TRMT10A: variants seen among roughly 807,000 people sequenced by gnomAD.
The protein encoded by TRMT10A is tRNA methyltransferase 10A, also known as tRNA methyltransferase 10 homolog A.
TRMT10A carries 37 observed loss-of-function variants against 40.4 expected under a neutral mutation model. That is an observed-to-expected ratio of 0.92 (90% CI 0.71 to 1.21). TRMT10A has a LOEUF of 1.21. Ranked by LOEUF, TRMT10A falls within the 50% of genes most tolerant of loss-of-function variation. TRMT10A has a pLI of 0.00. For synonymous variants in TRMT10A, 103 were observed against 134.1 expected (o/e 0.77, Z 1.60); for missense variants, 388 against 404.3 (o/e 0.96, Z 0.35).
rs751785307 is a variant in TRMT10A, at chr4:99,558,141, C to T, written c.256G>A (p.Gly86Arg). 7 of 1,612,028 alleles carry T rather than the reference C, an allele frequency of 4.3e-6. No homozygotes were observed. The South Asian group carries it at 6.6e-5, about 15-fold the overall frequency. The change falls in exon 3 of 8, where the codon GGA becomes AGA. Residue 86 changes from glycine (G) to arginine (R), a missense_variant. Gly to Arg is a moderately radical substitution (Grantham distance 125). Coordinates refer to ENST00000394876, the MANE Select transcript of TRMT10A (RefSeq NM_001134665.3). ...CTTCGAACACGTTTTCTGTCATGTC[C>T]ATCTGAGTTTGGTTCCATTTGACAT... Reference protein sequence around the residue: ...RQCQMEPNSDGHDRKRVRRDV... With the variant: ...RQCQMEPNSDRHDRKRVRRDV...
Position 99,556,163 on chromosome 4 carries a change from C to T in TRMT10A, c.478G>A (p.Gly160Arg), listed in dbSNP as rs1351191631. The stretch of plus-strand genomic sequence containing the variant: ...TTAATTACCTTCCAGTTGACCCATC[C>T]TTTGTCATTTTCATCCATGTTCTTT... Reference protein sequence around the residue: ...LKKNMDENDKGWVNWKDIHIK... With the variant: ...LKKNMDENDKRWVNWKDIHIK... Residue 160 changes from glycine to arginine, a missense_variant, in exon 5 of 8, where the codon GGA becomes AGA. Gly to Arg is a moderately radical substitution (Grantham distance 125). Coordinates refer to ENST00000394876, the MANE Select transcript of TRMT10A (RefSeq NM_001134665.3). The T allele has an allele frequency of 3.7e-6, 6 of 1,613,436 alleles. No homozygotes were observed. Among genetic ancestry groups the T allele is most frequent in the Non-Finnish European group, 5.1e-6 (6 of 1,179,700 alleles).
intron 1 of TRMT10A, among the ~76,000 whole-genome samples, chr4:99,561,114 G>A (rs916035848): frequency 2.0e-5 from 3 of 151,916 alleles, no homozygotes; most frequent in African/African-American, 7.3e-5. Flanking sequence ...TTACAAGCGC[G>A]CGCCACCACG....
rs1367443406 is a variant in TRMT10A, at chr4:99,557,412, ATG to A, written c.351_352del (p.Ile118Ter). ...TTGAATCTGCTTATGAAGTTTCTTA[ATG>A]TCCTATCACAGAGTTCAATTTTTAA... On this transcript the variant is annotated frameshift_variant and splice_region_variant, in exon 4 of 8. Transcript: ENST00000394876. LOFTEE classifies it high-confidence loss of function. The A allele has an allele frequency of 1.9e-6, 3 of 1,613,144 alleles. No homozygotes were observed. The highest frequency in any genetic ancestry group is 1.7e-5 in the Admixed American group (1 of 59,936).
chr4:99,547,002 T>C lies in TRMT10A; in HGVS notation c.*2086A>G, dbSNP rs1723760792. On this transcript the variant is annotated 3_prime_UTR_variant, in exon 8 of 8. Transcript: ENST00000394876. ...GTAGAATTGTGTCCCCCAAAAGATATGTCAAATCCTAACACATGGTACCCT... is the reference window on the plus strand; with the variant it reads ...GTAGAATTGTGTCCCCCAAAAGATACGTCAAATCCTAACACATGGTACCCT... The C allele has an allele frequency of 6.6e-6, 1 of 151,868 alleles. No individual in the cohort carries two copies. Among genetic ancestry groups the C allele is most frequent in the African/African-American group, 2.4e-5 (1 of 41,350 alleles). 9.4% of individuals were successfully genotyped at this position (151,868 alleles called of 1,614,324 possible).
intron 5 of TRMT10A, 21 bp downstream of exon 5, chr4:99,556,125 G>C: frequency 6.2e-7 from 1 of 1,606,648 alleles, no homozygotes; most frequent in Non-Finnish European, 8.5e-7. Context: ...AATTATGTGA[G>C]AGTTTATCTG....
intron 7 of TRMT10A, among the ~76,000 whole-genome samples, chr4:99,550,340 C>T (rs1436755243): frequency 6.6e-6 from 1 of 152,160 alleles, no homozygotes; most frequent in African/African-American, 2.4e-5. Context: ...CAAGCACCCA[C>T]CATCATGCCC....
chr4:99,553,118 A>G (rs1724027388), intron 6 of TRMT10A, among the ~76,000 whole-genome samples: 1 of 152,188 alleles, frequency 6.6e-6, no homozygotes. Flanking sequence ...GTGACTACTT[A>G]AATTTAAATT....
intron 1 of TRMT10A, among the ~76,000 whole-genome samples, chr4:99,562,020 A>T (rs1445339261): frequency 6.6e-6 from 1 of 151,914 alleles, no homozygotes; most frequent in Non-Finnish European, 1.5e-5. Context: ...AAAATACAAA[A>T]ATTAGCCAGG....
chr4:99,563,967 T>G lies in TRMT10A; in HGVS notation c.-78A>C. 8.8e-7 allele frequency: 1 copy of G among 1,132,086 alleles called. No individual in the cohort carries two copies. The highest frequency in any genetic ancestry group is 1.3e-6 in the Non-Finnish European group (1 of 779,990). The allele number at this position is 1,132,086 out of a possible 1,614,324, so 70.1% of individuals were successfully genotyped here. A position where few individuals can be genotyped will look rare whatever the true frequency, so the allele number is the denominator to read the frequency against. On this transcript the variant is annotated 5_prime_UTR_variant, in exon 1 of 8. Transcript: ENST00000394876. ...TCTCAGAAAGAAAGCCTTTCTGGGT[T>G]GGCCTGGTTACGGCTCACGCTTCCT...
At chr4:99,549,978 G>A (rs1723897708) in intron 7 of TRMT10A, among the ~76,000 whole-genome samples, 1 of 152,158 alleles carries the variant, frequency 6.6e-6, no homozygotes, top group African/African-American at 2.4e-5. Context: ...ATAGAAAGTA[G>A]CGCATAAAAA....
chr4:99,553,181 G>A (rs1724029033), intron 6 of TRMT10A, among the ~76,000 whole-genome samples: 1 of 152,092 alleles, frequency 6.6e-6, no homozygotes, highest in Admixed American at 6.5e-5. Context: ...CATTTCAAGT[G>A]CTCAATAGCC....
At position 99,548,087 on chromosome 4, in the gene TRMT10A, C is replaced by T. The variant is rs563098129; in HGVS notation, c.*1001G>A. 20 of 152,138 alleles carry T rather than the reference C, an allele frequency of 1.3e-4. No homozygotes were observed. Among genetic ancestry groups the T allele is most frequent in the South Asian group, 4.1e-4 (2 of 4,822 alleles). 9.4% of individuals were successfully genotyped at this position (152,138 alleles called of 1,614,324 possible). On this transcript the variant is annotated 3_prime_UTR_variant, in exon 8 of 8. Coordinates refer to ENST00000394876, the MANE Select transcript of TRMT10A (RefSeq NM_001134665.3). ...AACACAACCATTCACACAAGTAATA[C>T]AGATATATGGCAATTCAATCATGTT...
intron 6 of TRMT10A, among the ~76,000 whole-genome samples, chr4:99,553,488 A>C (rs941719390): frequency 6.6e-6 from 1 of 152,224 alleles, no homozygotes; most frequent in African/African-American, 2.4e-5. Flanking sequence ...CAGAGCAATC[A>C]GCCTGGTTTC....
chr4:99,550,763 T>C (rs969418918), intron 7 of TRMT10A, 122 bp downstream of exon 7: 24 of 682,414 alleles, frequency 3.5e-5, no homozygotes, highest in Admixed American at 6.7e-5. Context: ...TATAAATTAT[T>C]ACTTTTTACA....
rs1723935389 is a variant in TRMT10A, at chr4:99,550,905, TTTCGACTA to T, written c.723_730del (p.Asn241LysfsTer6). ...CTTACCATGATTAACTGCCAAAACT[TTTCGACTA>T]TTCATCTTCACAAAATTTCCAAGTG... On this transcript the variant is annotated frameshift_variant, in exon 7 of 8. Coordinates refer to ENST00000394876, the MANE Select transcript of TRMT10A (RefSeq NM_001134665.3). LOFTEE classifies it low-confidence loss of function (END_TRUNC). 1 of 1,613,188 alleles carries T rather than the reference TTTCGACTA, an allele frequency of 6.2e-7. No homozygotes were observed. The highest frequency in any genetic ancestry group is 8.5e-7 in the Non-Finnish European group (1 of 1,179,570).
Position 99,549,034 on chromosome 4 carries a change from T to G in TRMT10A, c.*54A>C. 1 of 1,578,278 alleles carries G rather than the reference T, an allele frequency of 6.3e-7. No individual in the cohort carries two copies. Among genetic ancestry groups the G allele is most frequent in the Non-Finnish European group, 8.7e-7 (1 of 1,154,612 alleles). ...GTTCTTCCAATTTCAATATTCTATA[T>G]AGCACCTCACTTTCTCCTAATTTTT... is the stretch of plus-strand genomic sequence containing the variant. On this transcript the variant is annotated 3_prime_UTR_variant, in exon 8 of 8. Coordinates refer to ENST00000394876, the MANE Select transcript of TRMT10A (RefSeq NM_001134665.3).
chr4:99,554,600 A>T (rs1724088365), intron 5 of TRMT10A, among the ~76,000 whole-genome samples: 1 of 151,882 alleles, frequency 6.6e-6, no homozygotes, highest in Admixed American at 6.6e-5. Flanking sequence ...GGGCTCCTGT[A>T]ATCCCAGCTA....
intron 2 of TRMT10A, 142 bp downstream of exon 2, chr4:99,559,012 C>A (rs73832830): frequency 2.8e-5 from 24 of 861,770 alleles, no homozygotes; most frequent in Admixed American, 5.9e-5. Context: ...TCTTCTCTTG[C>A]GTTTTTCTTT....
At chr4:99,559,128 G>C (rs1009146355) in intron 2 of TRMT10A, 26 bp downstream of exon 2, 24 of 1,600,858 alleles carry the variant, frequency 1.5e-5, no homozygotes, top group East Asian at 2.2e-5. Flanking sequence ...AATAGGAAGA[G>C]AGCATATACA....
Sources: allele counts gnomAD v4.1 joint callset (sites outside exome capture counted in the v4.1 genomes callset), GRCh38; gene constraint gnomAD v4.1.1; transcripts MANE v1.5; gene names NCBI Gene and HGNC (gene_info 2026-07-23, HGNC 2026-07-21).